The following HHAT variants were observed in gnomAD, a reference collection of about 807,000 sequenced individuals.
The protein encoded by HHAT is protein-cysteine N-palmitoyltransferase HHAT.
In HHAT, 47 loss-of-function variants were observed where a neutral mutation model predicts 70.8. The observed-to-expected ratio is 0.66, with a 90% CI of 0.53 to 0.85. The LOEUF (loss-of-function observed/expected upper bound fraction) is 0.85, where lower values mean the gene tolerates loss of function less well. Ranked by LOEUF, HHAT falls within the 40% of genes least tolerant of loss-of-function variation. The pLI is 0.00. For missense variants in HHAT, 609 were observed against 604.8 expected (o/e 1.01, Z -0.07); for synonymous variants, 228 against 247.6 (o/e 0.92, Z 0.74).
chr1:210,545,401 T>C (rs1029435331), intron 9 of HHAT, among the ~76,000 whole-genome samples: 4 of 151,612 alleles, frequency 2.6e-5, no homozygotes, highest in African/African-American at 9.7e-5. Context: ...AGCTTTCCCT[T>C]CACAACTCAA....
At chr1:210,608,788 C>T (rs1052900959) in intron 10 of HHAT, among the ~76,000 whole-genome samples, 1 of 152,088 alleles carries the variant, frequency 6.6e-6, no homozygotes, top group African/African-American at 2.4e-5. Flanking sequence ...ATTTAAGTGT[C>T]TGGTGAGGGC....
chr1:210,576,438 G>A (rs529286336), intron 9 of HHAT, among the ~76,000 whole-genome samples: 11 of 148,514 alleles, frequency 7.4e-5, no homozygotes, highest in South Asian at 4.3e-4. Flanking sequence ...GGGTGTGTGC[G>A]TGTGCGTGTT....
chr1:210,363,489 A>G (rs904002503), intron 3 of HHAT, among the ~76,000 whole-genome samples: 2 of 152,174 alleles, frequency 1.3e-5, no homozygotes, highest in African/African-American at 2.4e-5. Flanking sequence ...CTTCTGTGCT[A>G]GAGTATATAT....
intron 7 of HHAT, among the ~76,000 whole-genome samples, chr1:210,434,903 A>G (rs1001310704): frequency 1.3e-5 from 2 of 152,008 alleles, no homozygotes; most frequent in Admixed American, 6.5e-5. Context: ...TTTTGGGGGT[A>G]TATGTGGTAA....
chr1:210,614,313 T>G (rs1197759951), intron 10 of HHAT, among the ~76,000 whole-genome samples: 1 of 152,128 alleles, frequency 6.6e-6, no homozygotes, highest in South Asian at 2.1e-4. Flanking sequence ...TTGGTAGAAT[T>G]TTTAGGGTTT....
chr1:210,630,354 A>G (rs1424019867), intron 11 of HHAT, among the ~76,000 whole-genome samples: 1 of 152,202 alleles, frequency 6.6e-6, no homozygotes, highest in African/African-American at 2.4e-5. Flanking sequence ...GACATGGGCA[A>G]TTGCTATGGT....
chr1:210,341,806 A>G (rs2086065321), intron 1 of HHAT, among the ~76,000 whole-genome samples: 1 of 152,152 alleles, frequency 6.6e-6, no homozygotes, highest in Admixed American at 6.5e-5. Context: ...AGATAAATAT[A>G]TTTTTTGAAA....
intron 9 of HHAT, among the ~76,000 whole-genome samples, chr1:210,566,683 G>C (rs1157808739): frequency 6.6e-6 from 1 of 152,098 alleles, no homozygotes; most frequent in African/African-American, 2.4e-5. Context: ...TAGATGGCCA[G>C]ACTCCAGGGG....
intron 9 of HHAT, among the ~76,000 whole-genome samples, chr1:210,572,977 A>AG (rs2148740593): frequency 6.6e-6 from 1 of 152,292 alleles, no homozygotes; most frequent in South Asian, 2.1e-4. Context: ...ATGGCAGCAG[A>AG]GGGGTAGGGA....
intron 8 of HHAT, among the ~76,000 whole-genome samples, chr1:210,488,719 C>T (rs1231978882): frequency 1.3e-5 from 2 of 151,698 alleles, no homozygotes; most frequent in Non-Finnish European, 2.9e-5. Flanking sequence ...ACAGTGAGAC[C>T]TTGTCTCTAC....
chr1:210,570,688 CTT>C (rs1573408571), intron 9 of HHAT, among the ~76,000 whole-genome samples: 1 of 152,188 alleles, frequency 6.6e-6, no homozygotes, highest in Admixed American at 6.5e-5. Context: ...AACATAGAGA[CTT>C]TTCATTCTCC....
At chr1:210,557,677 T>TA (rs2095585048) in intron 9 of HHAT, among the ~76,000 whole-genome samples, 1 of 152,120 alleles carries the variant, frequency 6.6e-6, no homozygotes, top group Non-Finnish European at 1.5e-5. Flanking sequence ...AAACCCCTGA[T>TA]AAACTATCAG....
intron 1 of HHAT, among the ~76,000 whole-genome samples, chr1:210,333,970 C>T (rs1289919570): frequency 6.6e-6 from 1 of 152,020 alleles, no homozygotes; most frequent in African/African-American, 2.4e-5. Flanking sequence ...ACTGCTCTTA[C>T]TACTGTGAGT....
chr1:210,365,319 T>TTTTG, intron 3 of HHAT, among the ~76,000 whole-genome samples: 1 of 131,562 alleles, frequency 7.6e-6, no homozygotes, highest in Non-Finnish European at 1.6e-5. Flanking sequence ...GTTTTTTTTT[T>TTTTG]TTTTTTTTTT....
intron 4 of HHAT, among the ~76,000 whole-genome samples, chr1:210,387,859 A>G (rs560040202): frequency 2.6e-4 from 39 of 152,350 alleles, no homozygotes; most frequent in African/African-American, 9.1e-4. Context: ...CTTCTAATCA[A>G]ATGATCAAAA....
At position 210,494,542 on chromosome 1, in the gene HHAT, C is replaced by CTTTTTTTTT. The variant is rs71146226; in HGVS notation, c.1008-18592_1008-18584dup. Among the ~76,000 whole-genome samples, 72 of 82,854 alleles carry CTTTTTTTTT rather than the reference C, an allele frequency of 8.7e-4. 5 individuals are homozygous for CTTTTTTTTT. Among genetic ancestry groups the CTTTTTTTTT allele is most frequent in the African/African-American group, 3.1e-3 (60 of 19,660 alleles). 54.4% of individuals were successfully genotyped at this position (82,854 alleles called of 152,430 possible). On this transcript the variant is annotated intron_variant, in intron 8 of 11. Coordinates refer to ENST00000261458, the MANE Select transcript of HHAT (RefSeq NM_018194.6). ...AGATCAGGAGTTCAGTTTGAAATAG[C>CTTTTTTTTT]TTTTTTTTTTTTTTTTTTTTTTTTT... is the stretch of plus-strand genomic sequence containing the variant.
intron 6 of HHAT, among the ~76,000 whole-genome samples, chr1:210,407,284 A>AATGC (rs1301555374): frequency 1.3e-5 from 2 of 152,240 alleles, no homozygotes; most frequent in Admixed American, 1.3e-4. Context: ...TGCTTGAATG[A>AATGC]ATGCATGCAT....
chr1:210,354,479 T>A (rs1483411919), intron 2 of HHAT, among the ~76,000 whole-genome samples: 2 of 152,098 alleles, frequency 1.3e-5, no homozygotes, highest in African/African-American at 4.8e-5. Context: ...ATAATTATGA[T>A]GCAATCTTGA....
chr1:210,637,878 G>GCA (rs1256381837), intron 11 of HHAT, among the ~76,000 whole-genome samples: 27 of 124,288 alleles, frequency 2.2e-4, no homozygotes, highest in Middle Eastern at 4.0e-3. Context: ...AAAAGGGGGG[G>GCA]GCAAAGGACC....
Sources: allele counts gnomAD v4.1 joint callset (sites outside exome capture counted in the v4.1 genomes callset), GRCh38; gene constraint gnomAD v4.1.1; transcripts MANE v1.5; gene names NCBI Gene and HGNC (gene_info 2026-07-23, HGNC 2026-07-21).